IQCE: variants seen among roughly 807,000 people sequenced by gnomAD.
IQCE encodes IQ motif containing E.
A neutral mutation model predicts 96.0 loss-of-function variants in IQCE; 115 were observed. That is an observed-to-expected ratio of 1.20 (90% CI 1.03 to 1.40). IQCE has a LOEUF of 1.40. Among genes scored for constraint, IQCE ranks in the 40% most tolerant of loss-of-function variants. The pLI is 0.00. For missense variants in IQCE, 1,041 were observed against 909.1 expected, an observed-to-expected ratio of 1.15 and a Z score of -1.87; for synonymous variants, 412 against 371.2, an observed-to-expected ratio of 1.11 and a Z score of -1.26.
intron 6 of IQCE, among the ~76,000 whole-genome samples, chr7:2,577,194 C>T (rs895478804): frequency 1.2e-4 from 18 of 152,184 alleles, no homozygotes; most frequent in Non-Finnish European, 2.1e-4. Flanking sequence ...TGGGCCTGTG[C>T]GCGGTGTGGT....
chr7:2,594,421 C>T (rs939787873), intron 15 of IQCE, among the ~76,000 whole-genome samples: 1 of 152,096 alleles, frequency 6.6e-6, no homozygotes, highest in African/African-American at 2.4e-5. Context: ...ATTGCAATGC[C>T]TTCTGTTCAT....
intron 1 of IQCE, among the ~76,000 whole-genome samples, chr7:2,565,911 G>C (rs1781338172): frequency 6.6e-6 from 1 of 152,136 alleles, no homozygotes; most frequent in Admixed American, 6.5e-5. Flanking sequence ...TTGTGTCCTG[G>C]CCTGTCTAGT....
chr7:2,602,834 G>A (rs1282129068), intron 18 of IQCE, among the ~76,000 whole-genome samples: 1 of 152,216 alleles, frequency 6.6e-6, no homozygotes, highest in Non-Finnish European at 1.5e-5. Flanking sequence ...GGGTGTGGGC[G>A]GCACACCAGG....
chr7:2,583,705 AG>A lies in IQCE; in HGVS notation c.772del (p.Glu258ArgfsTer38). The part of the protein sequence containing the change: ...EMRIAMETYY[E>X]EVHRLQTLLA... ...CGGATCGCCATGGAGACATACTACG[AG>A]GAGGTGCGCCGTGCTGGGCGGCGGA... On this transcript the variant is annotated frameshift_variant, in exon 10 of 22. Transcript: ENST00000402050. LOFTEE classifies it high-confidence loss of function. The A allele has an allele frequency of 1.3e-6, 2 of 1,491,462 alleles. No homozygotes were observed. Among genetic ancestry groups the A allele is most frequent in the South Asian group, 2.3e-5 (2 of 88,420 alleles). The allele number at this position is 1,491,462 out of a possible 1,614,324, so 92.4% of individuals were successfully genotyped here. A position where few individuals can be genotyped will look rare whatever the true frequency, so the allele number is the denominator to read the frequency against.
chr7:2,583,238 G>A (rs1782816364), intron 9 of IQCE, among the ~76,000 whole-genome samples: 1 of 152,214 alleles, frequency 6.6e-6, no homozygotes, highest in Non-Finnish European at 1.5e-5. Flanking sequence ...TGGCCTGACA[G>A]TGCCAGGGAA....
At chr7:2,561,261 T>C (rs1241119762) in intron 1 of IQCE, among the ~76,000 whole-genome samples, 2 of 151,440 alleles carry the variant, frequency 1.3e-5, no homozygotes, top group African/African-American at 2.4e-5. Flanking sequence ...CCCAGCCCTA[T>C]GTAGATCTTT....
In IQCE at chr7:2,571,607, G is replaced by A. The variant is rs61736920; in HGVS notation, c.212G>A (p.Arg71Gln). Residue 71 changes from arginine (R) to glutamine (Q), a missense_variant, in exon 4 of 22, where the codon CGA (arginine) becomes CAA (glutamine). Coordinates refer to ENST00000402050, the MANE Select transcript of IQCE (RefSeq NM_152558.5). Reference protein sequence around the residue: ...RTAGSMPLGGRASLTPQKLWL... With the variant: ...RTAGSMPLGGQASLTPQKLWL... ...GCAGGGAGCATGCCTCTGGGCGGCCGAGCGTCCCTGACCCCGCAGAAGCTG... is the reference window on the plus strand; with the variant it reads ...GCAGGGAGCATGCCTCTGGGCGGCCAAGCGTCCCTGACCCCGCAGAAGCTG... The A allele has an allele frequency of 0.015, 23,315 of 1,601,648 alleles. 427 individuals are homozygous for A. Among genetic ancestry groups the A allele is most frequent in the South Asian group, 0.042 (3,838 of 91,060 alleles).
chr7:2,568,590 C>T (rs1177807659), intron 2 of IQCE, among the ~76,000 whole-genome samples: 4 of 152,224 alleles, frequency 2.6e-5, no homozygotes, highest in African/African-American at 7.2e-5. Context: ...ATCTGACCAC[C>T]TCCACCTGAG....
intron 1 of IQCE, among the ~76,000 whole-genome samples, chr7:2,565,970 C>T (rs1002145047): frequency 1.3e-5 from 2 of 152,222 alleles, no homozygotes; most frequent in Admixed American, 1.3e-4. Flanking sequence ...AATACAGTTT[C>T]ACACTGCTAG....
At chr7:2,562,639 G>A (rs1345883241) in intron 1 of IQCE, among the ~76,000 whole-genome samples, 6 of 147,602 alleles carry the variant, frequency 4.1e-5, no homozygotes, top group Admixed American at 1.4e-4. Flanking sequence ...GTGTCTCTGG[G>A]TTTTTTTTCT....
intron 1 of IQCE, among the ~76,000 whole-genome samples, chr7:2,561,715 C>G (rs1380186688): frequency 1.3e-5 from 2 of 152,210 alleles, no homozygotes; most frequent in African/African-American, 4.8e-5. Context: ...GCCACCACGT[C>G]CGGCCTTACA....
chr7:2,586,171 G>A, intron 11 of IQCE, 37 bp from the exon 12 acceptor site: 1 of 1,589,370 alleles, frequency 6.3e-7, no homozygotes, highest in Non-Finnish European at 8.6e-7. Flanking sequence ...AACCAGCTTA[G>A]CAATGCAAAC....
chr7:2,596,284 A>G (rs1784032914), intron 16 of IQCE, among the ~76,000 whole-genome samples: 2 of 152,038 alleles, frequency 1.3e-5, no homozygotes, highest in Admixed American at 6.6e-5. Context: ...AGAAAGAGAG[A>G]AAGAGAAAAG....
intron 5 of IQCE, chr7:2,572,702 G>A (rs1583409229): frequency 2.2e-6 from 1 of 464,190 alleles, no homozygotes; most frequent in Non-Finnish European, 4.3e-6. Context: ...CTGTGTTTAT[G>A]TTCCTGCCTA....
At position 2,572,176 on chromosome 7, in the gene IQCE, T is replaced by G; in HGVS notation, c.260-16T>G. On this transcript the variant is annotated splice_polypyrimidine_tract_variant and intron_variant, in intron 4 of 21. Coordinates refer to ENST00000402050, the MANE Select transcript of IQCE (RefSeq NM_152558.5). ...GCTTGTATCTGTCATATTAAACCCA[T>G]GCACATTCAAACCAGGAAGTCTGAC... 6.2e-7 allele frequency: 1 copy of G among 1,609,848 alleles called. No homozygotes were observed.
chr7:2,563,374 GTT>G (rs1491505611), intron 1 of IQCE, among the ~76,000 whole-genome samples: 1 of 106,606 alleles, frequency 9.4e-6, no homozygotes, highest in Non-Finnish European at 1.9e-5. Flanking sequence ...TTAATTTTTT[GTT>G]GTGTGTGTGT....
intron 6 of IQCE, among the ~76,000 whole-genome samples, chr7:2,576,728 C>G (rs1341621881): frequency 6.6e-6 from 1 of 152,174 alleles, no homozygotes; most frequent in Non-Finnish European, 1.5e-5. Flanking sequence ...TGTCCCCACT[C>G]ACGTCACCAC....
rs573782793 is a variant in IQCE at position 2,609,214 on chromosome 7, G to A, written c.1970-830G>A. 2.0e-5 allele frequency among the ~76,000 whole-genome samples: 3 copies of A among 152,234 alleles called. No individual in the cohort carries two copies. The South Asian group carries it at 6.2e-4, about 32-fold the overall frequency. On this transcript the variant is annotated intron_variant, in intron 21 of 21. Transcript: ENST00000402050. ...TAGATGCTTAGGAAGGAGCATCCAA[G>A]GGGGAATGGCCGAGCAGCTTGCAAG...
At chr7:2,596,789 G>A (rs1784072220) in intron 16 of IQCE, 1 of 359,738 alleles carries the variant, frequency 2.8e-6, no homozygotes, top group Non-Finnish European at 5.6e-6. Flanking sequence ...CGGAACAGAG[G>A]CCTGAAAATG....
Sources: gnomAD v4.1 joint callset for allele counts (sites outside exome capture counted in the v4.1 genomes callset) on GRCh38, gnomAD v4.1.1 for gene constraint, MANE v1.5 for transcripts, NCBI Gene and HGNC (gene_info 2026-07-23, HGNC 2026-07-21) for gene names.